NOS2: variants seen among roughly 807,000 people sequenced by gnomAD.
The protein encoded by NOS2 is nitric oxide synthase, inducible.
In NOS2, 96 loss-of-function variants were observed where a neutral mutation model predicts 136.0. The ratio of observed to expected loss-of-function variants is 0.71; its 90% CI spans 0.60 to 0.84. The LOEUF is 0.84. Ranked by LOEUF, NOS2 falls within the 40% of genes least tolerant of loss-of-function variation. The probability of loss-of-function intolerance (pLI) is 0.00; values close to 1 mark genes in which losing one functional copy is unlikely to be tolerated. For synonymous variants in NOS2, 539 were observed against 587.5 expected, an observed-to-expected ratio of 0.92 and a Z score of 1.20; for missense variants, 1,237 against 1,496.9, an observed-to-expected ratio of 0.83 and a Z score of 2.87.
In NOS2 at chr17:27,767,834, C is replaced by A; in HGVS notation, c.2038G>T (p.Ala680Ser). Residue 680 changes from alanine (A) to serine (S), a missense_variant, in exon 18 of 27, where the codon GCC becomes TCC. Physicochemically the swap from Ala to Ser is moderately conservative, Grantham distance 99. This residue lies in a region of NOS2 where 782 missense variants were observed against 909.9 expected (regional missense o/e 0.86). Transcript: ENST00000313735. ...RSWAVQTFKA[A>S]CETFDVRGKQ... ...CCTCGGACATCAAACGTCTCACAGG[C>A]TGCCTGGAAGAAGGTGGAGCAGACT... The A allele has an allele frequency of 6.2e-7, 1 of 1,611,578 alleles. No individual in the cohort carries two copies. Among genetic ancestry groups the A allele is most frequent in the Non-Finnish European group, 8.5e-7 (1 of 1,179,948 alleles).
rs774364616 is a variant in NOS2, at chr17:27,787,664, G to A, written c.467+14C>T. On this transcript the variant is annotated intron_variant, in intron 5 of 26. Transcript: ENST00000313735. ...AGGGCAGGAGGCAGCGACCCTGCAGGAGGCAAGCCTTACTCTTTGAAGGAG... is the reference window on the plus strand; with the variant it reads ...AGGGCAGGAGGCAGCGACCCTGCAGAAGGCAAGCCTTACTCTTTGAAGGAG... 3 of 1,605,282 alleles carry A rather than the reference G, an allele frequency of 1.9e-6. No homozygotes were observed. The highest frequency in any genetic ancestry group is 1.1e-5 in the South Asian group (1 of 89,686).
At chr17:27,760,546 T>C (rs1747922228) in intron 24 of NOS2, 77 bp downstream of exon 24, 9 of 1,541,316 alleles carry the variant, frequency 5.8e-6, no homozygotes, top group East Asian at 2.4e-5. Flanking sequence ...AGGAACCGTT[T>C]GTGGGGCTGC....
chr17:27,764,201 C>T (rs2297511), intron 20 of NOS2, 57 bp from the exon 21 acceptor site: 478,728 of 915,438 alleles, frequency 0.52, 134,255 homozygotes, highest in South Asian at 0.79. Flanking sequence ...GGATTCTCAG[C>T]AGGTAGCGAG....
chr17:27,783,509 C>T (rs1908917700), intron 5 of NOS2, among the ~76,000 whole-genome samples: 1 of 152,098 alleles, frequency 6.6e-6, no homozygotes, highest in African/African-American at 2.4e-5. Context: ...CCCATCCAGC[C>T]ATAGCAATGT....
At chr17:27,796,138 G>C (rs1284941190) in intron 2 of NOS2, among the ~76,000 whole-genome samples, 1 of 152,050 alleles carries the variant, frequency 6.6e-6, no homozygotes, top group Non-Finnish European at 1.5e-5. Flanking sequence ...AAGAGAGAGA[G>C]AAAGAGAGAA....
chr17:27,773,302 G>T, intron 12 of NOS2, 59 bp from the exon 13 acceptor site: 1 of 1,184,014 alleles, frequency 8.4e-7, no homozygotes, highest in Non-Finnish European at 1.3e-6. Flanking sequence ...CTCAGCTCGC[G>T]GATGCTGGAG....
chr17:27,770,694 G>C (rs1243492962), intron 15 of NOS2, among the ~76,000 whole-genome samples: 1 of 152,136 alleles, frequency 6.6e-6, no homozygotes, highest in Non-Finnish European at 1.5e-5. Context: ...CAAACAGGTA[G>C]GCCATTCACA....
chr17:27,797,736 C>T (rs866937870), intron 2 of NOS2, among the ~76,000 whole-genome samples: 5 of 152,172 alleles, frequency 3.3e-5, no homozygotes, highest in South Asian at 2.1e-4. Context: ...TCCACCTGAG[C>T]GAGCCTCAAG....
chr17:27,779,680 C>T (rs1908782420), intron 9 of NOS2, among the ~76,000 whole-genome samples: 1 of 152,100 alleles, frequency 6.6e-6, no homozygotes, highest in Non-Finnish European at 1.5e-5. Flanking sequence ...AGGCTCTGTG[C>T]TAAATGCTGA....
intron 16 of NOS2, 55 bp downstream of exon 16, chr17:27,769,480 C>A: frequency 6.6e-7 from 1 of 1,508,818 alleles, no homozygotes; most frequent in Non-Finnish European, 9.2e-7. Context: ...CCCCTGAACC[C>A]AGACTTTGGG....
chr17:27,778,838 C>G (rs377483521), intron 10 of NOS2, 44 bp downstream of exon 10: 1 of 1,612,846 alleles, frequency 6.2e-7, no homozygotes, highest in African/African-American at 1.3e-5. Context: ...GAAGCCACCC[C>G]CAGGCCCACA....
chr17:27,772,238 C>T (rs970265374), intron 14 of NOS2, 70 bp downstream of exon 14: 8 of 1,560,452 alleles, frequency 5.1e-6, no homozygotes, highest in South Asian at 2.3e-5. Context: ...GTGGGGAAAC[C>T]GTTTTAACTT....
At chr17:27,758,851 C>T in intron 26 of NOS2, 30 bp downstream of exon 26, 5 of 1,395,314 alleles carry the variant, frequency 3.6e-6, no homozygotes, top group Non-Finnish European at 4.7e-6. Context: ...CCTTGGCCGG[C>T]ACCTTCAGCC....
At chr17:27,759,193 C>T (rs566943253) in intron 25 of NOS2, 118 bp from the exon 26 acceptor site, 5 of 669,860 alleles carry the variant, frequency 7.5e-6, no homozygotes, top group Middle Eastern at 4.2e-4. Flanking sequence ...GAGTGAGTCC[C>T]CTTCCAGCCA....
intron 2 of NOS2, among the ~76,000 whole-genome samples, chr17:27,791,922 T>C: frequency 6.6e-6 from 1 of 152,148 alleles, no homozygotes; most frequent in East Asian, 1.9e-4. Flanking sequence ...AGGGGACAAC[T>C]GCCCCTCTTG....
At chr17:27,796,446 C>G (rs1312866986) in intron 2 of NOS2, among the ~76,000 whole-genome samples, 2 of 151,792 alleles carry the variant, frequency 1.3e-5, no homozygotes, top group Admixed American at 1.3e-4. Context: ...CAGAGTGAGA[C>G]CCTGTCTAAA....
intron 18 of NOS2, 57 bp downstream of exon 18, chr17:27,767,648 G>C: frequency 6.3e-7 from 1 of 1,589,862 alleles, no homozygotes; most frequent in Non-Finnish European, 8.6e-7. Flanking sequence ...TTGACCATGG[G>C]CTTAGGGCTC....
intron 21 of NOS2, 110 bp downstream of exon 21, chr17:27,763,871 G>C (rs2151325637): frequency 2.4e-6 from 2 of 839,008 alleles, no homozygotes; most frequent in Middle Eastern, 3.6e-4. Context: ...GTCTCACTTT[G>C]GGAACCTGGT....
intron 2 of NOS2, among the ~76,000 whole-genome samples, chr17:27,794,322 C>G (rs1909285352): frequency 1.3e-5 from 2 of 152,198 alleles, no homozygotes; most frequent in Non-Finnish European, 2.9e-5. Context: ...GGGGTGACTT[C>G]TAGTAGGAAT....
Sources: allele counts gnomAD v4.1 joint callset (sites outside exome capture counted in the v4.1 genomes callset), GRCh38; gene constraint gnomAD v4.1.1; regional missense constraint gnomAD v4.1.1; transcripts MANE v1.5; gene names NCBI Gene and HGNC (gene_info 2026-07-23, HGNC 2026-07-21).